Variants in MAST2 observed in about 807,000 individuals in gnomAD.
The protein encoded by MAST2 is microtubule associated serine/threonine kinase 2, also known as microtubule-associated serine/threonine-protein kinase 2.
In MAST2, 70 loss-of-function variants were observed where a neutral mutation model predicts 147.4. The observed-to-expected ratio is 0.47, with a 90% confidence interval of 0.39 to 0.58. MAST2 has a LOEUF of 0.58. Among genes scored for constraint, MAST2 ranks in the 20% least tolerant of loss-of-function variants. The pLI is 0.00. For synonymous variants in MAST2, 869 were observed against 896.8 expected (o/e 0.97, Z 0.55); for missense variants, 2,080 against 2,302.3 (o/e 0.90, Z 1.98).
intron 28 of MAST2, 126 bp from the exon 29 acceptor site, chr1:46,034,412 G>A: frequency 7.5e-7 from 1 of 1,330,100 alleles, no homozygotes; most frequent in Non-Finnish European, 1.0e-6. Context: ...GGAATTAATT[G>A]ATGGGGAAGG....
At chr1:46,004,041 GTTAAGT>G (rs1407234625) in intron 7 of MAST2, among the ~76,000 whole-genome samples, 1 of 152,106 alleles carries the variant, frequency 6.6e-6, no homozygotes, top group Non-Finnish European at 1.5e-5. Context: ...TTTGGCAACT[GTTAAGT>G]TTAAGATCTT....
At chr1:46,029,166 C>G (rs1646534744) in intron 18 of MAST2, 1 of 553,990 alleles carries the variant, frequency 1.8e-6, no homozygotes, top group African/African-American at 1.9e-5. Flanking sequence ...CTCATATACA[C>G]CTGGGTGTTC....
rs2275425 is a variant in MAST2 at position 46,023,379 on chromosome 1, A to G, written c.1571+61A>G. On this transcript the variant is annotated intron_variant, in intron 14 of 28. Coordinates refer to ENST00000361297, the MANE Select transcript of MAST2 (RefSeq NM_015112.3). This position sits in a 1 kb window ranked among gnomAD's most constrained non-coding sequence, Gnocchi z 4.9. ...GCCGGGTCAGCCTTTGATCTCTTCC[A>G]TGTGAGAGTGTATGCTGCCCAGTCC... The G allele has an allele frequency of 5.4e-3, 7,892 of 1,465,734 alleles. 110 individuals carry two copies. The highest frequency in any genetic ancestry group is 0.044 in the East Asian group (1,927 of 44,164). 90.8% of individuals were successfully genotyped at this position (1,465,734 alleles called of 1,614,324 possible). A position where few individuals can be genotyped will look rare whatever the true frequency, so the allele number is the denominator to read the frequency against.
At chr1:45,864,176 A>G (rs780356952) in intron 3 of MAST2, among the ~76,000 whole-genome samples, 2 of 152,228 alleles carry the variant, frequency 1.3e-5, no homozygotes, top group Non-Finnish European at 2.9e-5. Context: ...AACCAAAGAA[A>G]CAATTCTTGA....
At chr1:45,856,446 A>G (rs557253592) in intron 3 of MAST2, among the ~76,000 whole-genome samples, 5 of 152,300 alleles carry the variant, frequency 3.3e-5, no homozygotes, top group Admixed American at 6.5e-5. Flanking sequence ...ATGTGAGACT[A>G]TTTGCAGTCA....
chr1:46,016,610 C>T (rs1240650563), intron 10 of MAST2, among the ~76,000 whole-genome samples: 2 of 152,130 alleles, frequency 1.3e-5, no homozygotes, highest in Non-Finnish European at 2.9e-5. Flanking sequence ...CCTAGGAATC[C>T]AACTTACAAG....
chr1:45,971,330 G>T (rs574494552), intron 5 of MAST2, among the ~76,000 whole-genome samples: 56 of 152,338 alleles, frequency 3.7e-4, no homozygotes, highest in African/African-American at 1.3e-3. Flanking sequence ...AGAGAAAGTA[G>T]AGGTGCTGCT....
intron 7 of MAST2, among the ~76,000 whole-genome samples, chr1:46,004,707 G>C (rs143185744): frequency 6.6e-6 from 1 of 152,318 alleles, no homozygotes; most frequent in Non-Finnish European, 1.5e-5. Flanking sequence ...AAAAAGAAAT[G>C]CTGATTTCTC....
intron 6 of MAST2, among the ~76,000 whole-genome samples, chr1:45,998,343 A>G (rs1457677789): frequency 6.6e-6 from 1 of 152,226 alleles, no homozygotes; most frequent in Non-Finnish European, 1.5e-5. Context: ...TTTGGTGCAT[A>G]CAGAGCCATG....
intron 7 of MAST2, among the ~76,000 whole-genome samples, chr1:46,003,711 T>C (rs1645365739): frequency 6.6e-6 from 1 of 152,150 alleles, no homozygotes; most frequent in Non-Finnish European, 1.5e-5. Flanking sequence ...AAGCGATCCA[T>C]CTGCCTTGGC....
intron 4 of MAST2, among the ~76,000 whole-genome samples, chr1:45,905,318 G>T (rs1650504730): frequency 6.6e-6 from 1 of 151,640 alleles, no homozygotes; most frequent in Admixed American, 6.6e-5. Flanking sequence ...CCAAGTAGCT[G>T]GGAGTACAGG....
chr1:45,886,500 A>T (rs888656210), intron 4 of MAST2, among the ~76,000 whole-genome samples: 1 of 151,998 alleles, frequency 6.6e-6, no homozygotes, highest in East Asian at 1.9e-4. Context: ...TTTATTTTAG[A>T]TGTAGCTTCC....
Position 45,987,777 on chromosome 1 carries a change from A to ATTTTTTT in MAST2, c.593-9929_593-9923dup. On this transcript the variant is annotated intron_variant, in intron 5 of 28. Coordinates refer to ENST00000361297, the MANE Select transcript of MAST2 (RefSeq NM_015112.3). ...AGCATTTCTTGTTTTTTTTTTTTTG[A>ATTTTTTT]TTTTTTTTTTTTTTTTTTTTTTTTG... is the stretch of plus-strand genomic sequence containing the variant. Among the ~76,000 whole-genome samples the ATTTTTTT allele has an allele frequency of 8.7e-3, 190 of 21,838 alleles. 1 individual carries two copies. The highest frequency in any genetic ancestry group is 0.011 in the Non-Finnish European group (140 of 13,312). The allele number at this position is 21,838 out of a possible 152,430, so 14.3% of individuals were successfully genotyped here.
chr1:45,955,394 T>A (rs1158104317), intron 4 of MAST2, among the ~76,000 whole-genome samples: 1 of 152,166 alleles, frequency 6.6e-6, no homozygotes, highest in Admixed American at 6.5e-5. Flanking sequence ...ACTATATTTT[T>A]AAAATTTATA....
intron 4 of MAST2, among the ~76,000 whole-genome samples, chr1:45,911,278 C>A (rs1358325181): frequency 1.3e-5 from 2 of 152,118 alleles, no homozygotes; most frequent in Non-Finnish European, 2.9e-5. Flanking sequence ...GGATGTGTTA[C>A]CTGGAGGTAA....
chr1:45,832,469 C>T (rs1206820954), intron 3 of MAST2, among the ~76,000 whole-genome samples: 1 of 151,554 alleles, frequency 6.6e-6, no homozygotes, highest in Non-Finnish European at 1.5e-5. Flanking sequence ...TATTTTTTGT[C>T]TTTTCAGTAG....
At chr1:45,888,750 C>T (rs1647221368) in intron 4 of MAST2, among the ~76,000 whole-genome samples, 1 of 134,134 alleles carries the variant, frequency 7.5e-6, no homozygotes, top group South Asian at 2.5e-4. Context: ...GGCACAATCT[C>T]GCCTCACTGC....
At chr1:45,986,562 C>CA (rs1644626902) in intron 5 of MAST2, among the ~76,000 whole-genome samples, 3 of 151,776 alleles carry the variant, frequency 2.0e-5, no homozygotes, top group South Asian at 4.1e-4. Flanking sequence ...ACTAAAAATA[C>CA]AAAAAATTAT....
At chr1:45,924,628 T>C (rs916208290) in intron 4 of MAST2, among the ~76,000 whole-genome samples, 2 of 152,168 alleles carry the variant, frequency 1.3e-5, no homozygotes, top group African/African-American at 4.8e-5. Flanking sequence ...TTATCTCTCT[T>C]TTTTTAATTT....
Sources: gnomAD v4.1 joint callset for allele counts (sites outside exome capture counted in the v4.1 genomes callset) on GRCh38, gnomAD v4.1.1 for gene constraint, Gnocchi (gnomAD v3.1) non-coding constraint, MANE v1.5 for transcripts, NCBI Gene and HGNC (gene_info 2026-07-23, HGNC 2026-07-21) for gene names.